Variants in NRG3 observed in about 807,000 individuals in gnomAD.
NRG3 encodes pro-neuregulin-3, membrane-bound isoform.
NRG3 carries 31 observed loss-of-function variants against 66.9 expected under a neutral mutation model. The observed-to-expected ratio is 0.46, with a 90% CI of 0.35 to 0.63. The LOEUF (loss-of-function observed/expected upper bound fraction) is 0.63, where lower values mean the gene tolerates loss of function less well. Ranked by LOEUF, NRG3 falls within the 20% of genes least tolerant of loss-of-function variation. The pLI is 0.00. For missense variants in NRG3, 910 were observed against 878.9 expected (o/e 1.04, Z -0.45); for synonymous variants, 393 against 359.4 (o/e 1.09, Z -1.06).
chr10:82,727,076 T>C (rs1457063908), intron 2 of NRG3, among the ~76,000 whole-genome samples: 2 of 152,020 alleles, frequency 1.3e-5, no homozygotes, highest in African/African-American at 4.8e-5. Flanking sequence ...ATTCAAGAGG[T>C]GACTTGGGTG....
intron 2 of NRG3, among the ~76,000 whole-genome samples, chr10:82,720,650 C>A (rs1286479147): frequency 1.3e-5 from 2 of 150,046 alleles, no homozygotes. Context: ...TTTACCTAAC[C>A]TTTGTAATGC....
chr10:81,903,251 T>C (rs1287480916), intron 1 of NRG3, among the ~76,000 whole-genome samples: 1 of 152,134 alleles, frequency 6.6e-6, no homozygotes, highest in Non-Finnish European at 1.5e-5. Context: ...TGCTTCAGGC[T>C]CATTTTTACC....
At chr10:82,038,953 T>G (rs1445474848) in intron 1 of NRG3, among the ~76,000 whole-genome samples, 1 of 152,114 alleles carries the variant, frequency 6.6e-6, no homozygotes, top group East Asian at 1.9e-4. Flanking sequence ...TATGAAGCAG[T>G]TAGGCCCCAC....
chr10:81,979,057 C>A (rs947717482), intron 1 of NRG3, among the ~76,000 whole-genome samples: 1 of 151,956 alleles, frequency 6.6e-6, no homozygotes, highest in African/African-American at 2.4e-5. Flanking sequence ...GGCGTAGTGG[C>A]GCACGCCTGT....
chr10:82,392,622 AT>A (rs961175799), intron 2 of NRG3, among the ~76,000 whole-genome samples: 4 of 152,156 alleles, frequency 2.6e-5, no homozygotes, highest in Admixed American at 1.3e-4. Context: ...TTTTAAACTT[AT>A]TTAGGACAAT....
In NRG3 at chr10:82,724,004, AATTT is replaced by A; in HGVS notation, c.954-14571_954-14568del. Reference sequence around the variant, plus strand: ...CAAAAAAAAGTAAATAAATAAAAAAAATTTAAAAAATAAAAGCATAAATGAATGA... The same window carrying A: ...CAAAAAAAAGTAAATAAATAAAAAAAAAAAAATAAAAGCATAAATGAATGA... On this transcript the variant is annotated intron_variant, in intron 2 of 8. Coordinates refer to ENST00000372141, the MANE Select transcript of NRG3 (RefSeq NM_001010848.4). Among the ~76,000 whole-genome samples the A allele has an allele frequency of 5.9e-5, 9 of 151,920 alleles. 1 individual carries two copies. The highest frequency in any genetic ancestry group is 2.2e-4 in the African/African-American group (9 of 41,334).
chr10:81,947,836 C>CA (rs904577848), intron 1 of NRG3, among the ~76,000 whole-genome samples: 37 of 152,196 alleles, frequency 2.4e-4, no homozygotes, highest in African/African-American at 7.9e-4. Context: ...CTAACCCCCT[C>CA]AGTGAGAAAC....
At chr10:82,393,085 G>T (rs1225221737) in intron 2 of NRG3, among the ~76,000 whole-genome samples, 3 of 152,036 alleles carry the variant, frequency 2.0e-5, no homozygotes, top group Admixed American at 1.3e-4. Context: ...AGTATGGTTT[G>T]TCTATACTTC....
In NRG3 at chr10:82,553,494, G is replaced by A. The variant is rs73311964; in HGVS notation, c.954-185083G>A. Among the ~76,000 whole-genome samples, 593 of 152,162 alleles carry A rather than the reference G, an allele frequency of 3.9e-3. 5 individuals carry two copies. The highest frequency in any genetic ancestry group is 0.014 in the African/African-American group (575 of 41,534). ...TTACTAATTTCTTTTATAAATAGAAGGGTTTGCTGAAGAGAATTTTTCAGT... is the reference window on the plus strand; with the variant it reads ...TTACTAATTTCTTTTATAAATAGAAAGGTTTGCTGAAGAGAATTTTTCAGT... On this transcript the variant is annotated intron_variant, in intron 2 of 8. Coordinates refer to ENST00000372141, the MANE Select transcript of NRG3 (RefSeq NM_001010848.4).
chr10:82,148,041 T>G (rs1017312940), intron 1 of NRG3, among the ~76,000 whole-genome samples: 21 of 152,314 alleles, frequency 1.4e-4, no homozygotes, highest in African/African-American at 4.8e-4. Flanking sequence ...GGTGTTCATT[T>G]TTATTCATTT....
intron 1 of NRG3, among the ~76,000 whole-genome samples, chr10:82,042,466 A>G (rs2063089792): frequency 6.6e-6 from 1 of 152,104 alleles, no homozygotes; most frequent in Admixed American, 6.6e-5. Context: ...TTACTGATCA[A>G]TTTATGATCA....
At chr10:81,996,785 A>G (rs2060956010) in intron 1 of NRG3, among the ~76,000 whole-genome samples, 1 of 152,162 alleles carries the variant, frequency 6.6e-6, no homozygotes, top group Non-Finnish European at 1.5e-5. Flanking sequence ...GCCTGTGTAT[A>G]TGCAACACAG....
chr10:82,742,323 G>A (rs779187332), intron 3 of NRG3, among the ~76,000 whole-genome samples: 1 of 152,050 alleles, frequency 6.6e-6, no homozygotes, highest in Non-Finnish European at 1.5e-5. Context: ...AGCCTTACTG[G>A]CTTGAGTGTC....
intron 2 of NRG3, among the ~76,000 whole-genome samples, chr10:82,578,283 G>A (rs1373625495): frequency 7.8e-6 from 1 of 127,396 alleles, no homozygotes; most frequent in East Asian, 2.3e-4. Context: ...CTGACATCTA[G>A]GCTAAAATAT....
chr10:82,306,787 T>C (rs1418350781), intron 1 of NRG3, among the ~76,000 whole-genome samples: 2 of 147,926 alleles, frequency 1.4e-5, no homozygotes, highest in African/African-American at 5.0e-5. Flanking sequence ...CTTTTTTTGA[T>C]GGGACAGGGA....
At chr10:82,688,239 G>A (rs530237430) in intron 2 of NRG3, among the ~76,000 whole-genome samples, 3 of 152,180 alleles carry the variant, frequency 2.0e-5, no homozygotes, top group Admixed American at 1.3e-4. Flanking sequence ...TTACCACAAC[G>A]TATTATATTT....
chr10:82,303,312 T>C (rs1472176673), intron 1 of NRG3, among the ~76,000 whole-genome samples: 2 of 150,124 alleles, frequency 1.3e-5, no homozygotes, highest in Non-Finnish European at 2.9e-5. Flanking sequence ...TGCTTATTCA[T>C]TTACATACTA....
chr10:82,408,088 A>AAAG (rs2087720733), intron 2 of NRG3, among the ~76,000 whole-genome samples: 1 of 65,804 alleles, frequency 1.5e-5, no homozygotes, highest in Non-Finnish European at 3.5e-5. Context: ...AGAGAGACAG[A>AAAG]AAGAAAGAAA....
intron 3 of NRG3, among the ~76,000 whole-genome samples, chr10:82,778,790 G>C (rs1394756575): frequency 1.3e-5 from 2 of 152,084 alleles, no homozygotes; most frequent in African/African-American, 4.8e-5. Context: ...GGGGTCAAAG[G>C]CTAAATTTCC....
Sources: gnomAD v4.1 joint callset for allele counts (sites outside exome capture counted in the v4.1 genomes callset) on GRCh38, gnomAD v4.1.1 for gene constraint, MANE v1.5 for transcripts, NCBI Gene and HGNC (gene_info 2026-07-23, HGNC 2026-07-21) for gene names.